Variants in WWOX observed in about 807,000 individuals in gnomAD.
WWOX encodes WW domain containing oxidoreductase.
Under a neutral mutation model 46.2 loss-of-function variants are expected in WWOX, and 69 were observed. The ratio of observed to expected loss-of-function variants is 1.49; its 90% CI spans 1.23 to 1.82. WWOX has a LOEUF of 1.82. Ranked by LOEUF, WWOX falls within the 40% of genes most tolerant of loss-of-function variation. The pLI, the probability that WWOX is intolerant of heterozygous loss-of-function variation, is 0.00. For missense variants in WWOX, 919 were observed against 542.6 expected, an observed-to-expected ratio of 1.69 and a Z score of -6.89; for synonymous variants, 359 against 202.6, an observed-to-expected ratio of 1.77 and a Z score of -6.56.
chr16:78,402,264 A>C (rs2082430865), intron 6 of WWOX, among the ~76,000 whole-genome samples: 1 of 152,184 alleles, frequency 6.6e-6, no homozygotes, highest in African/African-American at 2.4e-5. Flanking sequence ...GCTTTCACTT[A>C]GCATAATGTT....
At chr16:78,847,306 A>G (rs930509816) in intron 8 of WWOX, among the ~76,000 whole-genome samples, 4 of 152,088 alleles carry the variant, frequency 2.6e-5, no homozygotes, top group Non-Finnish European at 4.4e-5. Context: ...ACCTATCTCC[A>G]TTTATTCCTG....
At chr16:78,959,787 T>A (rs2046238722) in intron 8 of WWOX, among the ~76,000 whole-genome samples, 1 of 152,142 alleles carries the variant, frequency 6.6e-6, no homozygotes, top group Non-Finnish European at 1.5e-5. Flanking sequence ...GAGGGAAAGA[T>A]GTCCTCTGTC....
intron 8 of WWOX, among the ~76,000 whole-genome samples, chr16:78,928,504 A>C (rs866707413): frequency 6.6e-6 from 1 of 151,968 alleles, no homozygotes; most frequent in South Asian, 2.1e-4. Context: ...GCCCGGCCCC[A>C]CTTTTCTTGT....
chr16:78,106,411 G>GTTTTTTTTTTTT (rs998219778), intron 1 of WWOX, among the ~76,000 whole-genome samples: 1 of 123,684 alleles, frequency 8.1e-6, no homozygotes, highest in African/African-American at 2.9e-5. Flanking sequence ...AGTCAGAACG[G>GTTTTTTTTTTTT]TTTTTTTTTG....
intron 8 of WWOX, among the ~76,000 whole-genome samples, chr16:78,527,255 C>G (rs1365842132): frequency 1.3e-5 from 2 of 151,978 alleles, no homozygotes; most frequent in Non-Finnish European, 2.9e-5. Context: ...GTAGCAGAAG[C>G]CACCTTTCCA....
At position 78,423,144 on chromosome 16, in the gene WWOX, C is replaced by G. The variant is rs535645771; in HGVS notation, c.606-1726C>G. Among the ~76,000 whole-genome samples, 328 of 152,244 alleles carry G rather than the reference C, an allele frequency of 2.2e-3. 2 individuals are homozygous for G. Among genetic ancestry groups the G allele is most frequent in the African/African-American group, 7.7e-3 (321 of 41,538 alleles). On this transcript the variant is annotated intron_variant, in intron 6 of 8. Coordinates refer to ENST00000566780, the MANE Select transcript of WWOX (RefSeq NM_016373.4). ...TCGTGATTTGCCTGCCTCAGCCTCCCAAAGTGCTGAGATTACAGGCGTGAG... is the reference window on the plus strand; with the variant it reads ...TCGTGATTTGCCTGCCTCAGCCTCCGAAAGTGCTGAGATTACAGGCGTGAG...
At chr16:78,326,580 C>T (rs1250576360) in intron 5 of WWOX, among the ~76,000 whole-genome samples, 1 of 66,748 alleles carries the variant, frequency 1.5e-5, no homozygotes, top group South Asian at 6.9e-4. Context: ...TCCCCCCGCC[C>T]CCCCCCCCCG....
chr16:78,260,038 C>A (rs1386420563), intron 5 of WWOX, among the ~76,000 whole-genome samples: 4 of 151,228 alleles, frequency 2.6e-5, no homozygotes, highest in African/African-American at 9.7e-5. Context: ...GTGAGACCTC[C>A]CAGCAGGCGT....
intron 6 of WWOX, among the ~76,000 whole-genome samples, chr16:78,397,930 C>G (rs79902134): frequency 1.2e-3 from 179 of 152,308 alleles, no homozygotes; most frequent in African/African-American, 3.7e-3. Flanking sequence ...GGTACTCAGA[C>G]TATTTTCCAA....
chr16:78,452,771 C>T (rs995436781), intron 8 of WWOX, among the ~76,000 whole-genome samples: 1 of 151,572 alleles, frequency 6.6e-6, no homozygotes, highest in Admixed American at 6.6e-5. Flanking sequence ...ACCACTGTGC[C>T]TAGCCTTAAT....
intron 8 of WWOX, among the ~76,000 whole-genome samples, chr16:78,469,381 A>G (rs1597129067): frequency 6.6e-6 from 1 of 152,156 alleles, no homozygotes; most frequent in African/African-American, 2.4e-5. Flanking sequence ...GCTACAAAAT[A>G]CATCTCTTCA....
rs762566029 is a variant in WWOX, at chr16:78,425,032, T to G, written c.768T>G (p.Ile256Met). 1 of 1,613,970 alleles carries G rather than the reference T, an allele frequency of 6.2e-7. No homozygotes were observed. The highest frequency in any genetic ancestry group is 1.1e-5 in the South Asian group (1 of 91,068). ...GCCGCTCAGCTCCTGCCCGTGTCAT[T>G]GTGGTCTCCTCAGAGTCCCATCGGT... ...VLCRSAPARV[I>M]VVSSESHRFT... Residue 256 changes from isoleucine to methionine, a missense_variant, in exon 7 of 9, where the codon ATT becomes ATG. Ile to Met is a conservative substitution (Grantham distance 10, BLOSUM62 1). Transcript: ENST00000566780.
intron 5 of WWOX, among the ~76,000 whole-genome samples, chr16:78,211,574 C>T (rs1247223452): frequency 6.6e-6 from 1 of 152,156 alleles, no homozygotes; most frequent in Non-Finnish European, 1.5e-5. Flanking sequence ...GCTGCTGCTG[C>T]TGCATTGTCA....
intron 8 of WWOX, among the ~76,000 whole-genome samples, chr16:78,847,723 G>A (rs970393303): frequency 6.6e-6 from 1 of 151,744 alleles, no homozygotes; most frequent in African/African-American, 2.4e-5. Context: ...AACAACTAAA[G>A]GCTAGGATTT....
chr16:78,641,419 A>G (rs1434970869), intron 8 of WWOX, among the ~76,000 whole-genome samples: 1 of 152,108 alleles, frequency 6.6e-6, no homozygotes, highest in Non-Finnish European at 1.5e-5. Flanking sequence ...TGGCTCTTTC[A>G]TTAATAAACT....
Position 78,971,448 on chromosome 16 carries a change from CAAAAAAAAAAAA to C in WWOX, c.1057-240145_1057-240134del, listed in dbSNP as rs71140852. ...CCAGTCTGGGTGACAGACTCTGTGT[CAAAAAAAAAAAA>C]AAAAAAAAAAAAAAGAGAGAGATAG... On this transcript the variant is annotated intron_variant, in intron 8 of 8. Coordinates refer to ENST00000566780, the MANE Select transcript of WWOX (RefSeq NM_016373.4). Among the ~76,000 whole-genome samples the C allele has an allele frequency of 2.1e-3, 236 of 111,882 alleles. 1 individual carries two copies. Among genetic ancestry groups the C allele is most frequent in the Non-Finnish European group, 3.3e-3 (178 of 54,110 alleles). 73.4% of individuals were successfully genotyped at this position (111,882 alleles called of 152,430 possible).
At chr16:78,308,114 A>G (rs1415194271) in intron 5 of WWOX, among the ~76,000 whole-genome samples, 2 of 152,108 alleles carry the variant, frequency 1.3e-5, no homozygotes, top group East Asian at 1.9e-4. Context: ...TTTTTCTCTC[A>G]TGGTGAGAGC....
intron 8 of WWOX, among the ~76,000 whole-genome samples, chr16:78,542,313 T>G (rs569297694): frequency 6.6e-6 from 1 of 152,118 alleles, no homozygotes; most frequent in African/African-American, 2.4e-5. Context: ...CTAGATGACA[T>G]GATGTACCCT....
chr16:79,171,814 C>G (rs1178038930), intron 8 of WWOX, among the ~76,000 whole-genome samples: 2 of 152,058 alleles, frequency 1.3e-5, no homozygotes, highest in East Asian at 3.8e-4. Flanking sequence ...ACAGCAGAAT[C>G]AATCTTCGGA....
Sources: allele counts gnomAD v4.1 joint callset (sites outside exome capture counted in the v4.1 genomes callset), GRCh38; gene constraint gnomAD v4.1.1; transcripts MANE v1.5; gene names NCBI Gene and HGNC (gene_info 2026-07-23, HGNC 2026-07-21).